Variants in RBFOX1 observed in about 807,000 individuals in gnomAD.
The protein encoded by RBFOX1 is RNA binding protein fox-1 homolog 1.
In RBFOX1, 8 loss-of-function variants were observed where a neutral mutation model predicts 57.7. The observed-to-expected ratio is 0.14, with a 90% CI of 0.08 to 0.25. RBFOX1 has a LOEUF of 0.25. Among genes scored for constraint, RBFOX1 ranks in the 10% least tolerant of loss-of-function variants. The pLI is 1.00. For missense variants in RBFOX1, 611 were observed against 548.5 expected (o/e 1.11, Z -1.14); for synonymous variants, 326 against 222.4 (o/e 1.47, Z -4.15).
In RBFOX1 at chr16:5,747,197, C is replaced by G. The variant is rs568409898; in HGVS notation, c.319-120106C>G. Among the ~76,000 whole-genome samples, 3 of 152,296 alleles carry G rather than the reference C, an allele frequency of 2.0e-5. No homozygotes were observed. The East Asian group carries it at 5.8e-4, about 29-fold the overall frequency. On this transcript the variant is annotated intron_variant, in intron 3 of 19. Coordinates refer to the RBFOX1 transcript ENST00000641259. Reference sequence around the variant, plus strand: ...ATGCTGGATTACATTTATTGATTTGCATATGTTGAACCAGCCTTGCATCCC... The same window carrying G: ...ATGCTGGATTACATTTATTGATTTGGATATGTTGAACCAGCCTTGCATCCC...
intron 1 of RBFOX1, among the ~76,000 whole-genome samples, chr16:5,275,816 A>G (rs950191108): frequency 1.3e-5 from 2 of 152,252 alleles, no homozygotes; most frequent in African/African-American, 4.8e-5. Context: ...CCAAAACAGC[A>G]TGGTGCTGGT....
At chr16:6,433,293 A>G (rs1301320506) in intron 2 of RBFOX1, among the ~76,000 whole-genome samples, 1 of 152,258 alleles carries the variant, frequency 6.6e-6, no homozygotes. Context: ...GGTTTGCTTC[A>G]TTTCAGCATT....
At chr16:5,446,187 G>A (rs1166509508) in intron 1 of RBFOX1, among the ~76,000 whole-genome samples, 1 of 152,032 alleles carries the variant, frequency 6.6e-6, no homozygotes, top group Non-Finnish European at 1.5e-5. Context: ...AGGGACAATA[G>A]GAGTCTAGAA....
intron 4 of RBFOX1, among the ~76,000 whole-genome samples, chr16:7,381,075 A>T (rs2097775049): frequency 6.6e-6 from 1 of 152,238 alleles, no homozygotes; most frequent in East Asian, 1.9e-4. Flanking sequence ...TTGTGAATAC[A>T]CTGGAGATGT....
chr16:7,577,952 T>C (rs576843321), intron 5 of RBFOX1, among the ~76,000 whole-genome samples: 5 of 152,360 alleles, frequency 3.3e-5, no homozygotes, highest in African/African-American at 1.2e-4. Context: ...TGTTTTTCTC[T>C]ATTGGTGTCA....
intron 4 of RBFOX1, among the ~76,000 whole-genome samples, chr16:5,931,627 G>A (rs1263286421): frequency 6.6e-6 from 1 of 152,182 alleles, no homozygotes; most frequent in African/African-American, 2.4e-5. Flanking sequence ...GTCCTGGTGA[G>A]AGCTTCCAGG....
intron 4 of RBFOX1, among the ~76,000 whole-genome samples, chr16:5,878,631 G>A (rs375298880): frequency 2.0e-5 from 3 of 152,064 alleles, no homozygotes; most frequent in East Asian, 1.9e-4. Flanking sequence ...CCTGATTCCC[G>A]GCACTAATGT....
At chr16:5,954,787 C>G (rs999516043) in intron 4 of RBFOX1, among the ~76,000 whole-genome samples, 1 of 152,142 alleles carries the variant, frequency 6.6e-6, no homozygotes, top group Admixed American at 6.5e-5. Context: ...TCCTTCCTCC[C>G]CTTCCTGCAG....
chr16:6,640,939 A>C (rs1329774545), intron 2 of RBFOX1, among the ~76,000 whole-genome samples: 1 of 152,056 alleles, frequency 6.6e-6, no homozygotes, highest in Non-Finnish European at 1.5e-5. Context: ...GAAAATAATG[A>C]CTGTGGCAGC....
At chr16:5,420,939 T>C (rs11862157) in intron 1 of RBFOX1, among the ~76,000 whole-genome samples, 78,361 of 111,174 alleles carry the variant, frequency 0.7, 26,981 homozygotes, top group East Asian at 0.82. Flanking sequence ...CCCCCTCCCC[T>C]TCCTCCTGCT....
At chr16:7,237,120 G>T (rs1179851928) in intron 4 of RBFOX1, among the ~76,000 whole-genome samples, 1 of 152,156 alleles carries the variant, frequency 6.6e-6, no homozygotes, top group Non-Finnish European at 1.5e-5. Flanking sequence ...CTTCCCAGGG[G>T]CTGCAATACA....
intron 4 of RBFOX1, among the ~76,000 whole-genome samples, chr16:7,504,123 G>C (rs1455093108): frequency 1.3e-5 from 2 of 152,054 alleles, no homozygotes; most frequent in Non-Finnish European, 2.9e-5. Flanking sequence ...TCAGAATTGG[G>C]TTGGTACAAA....
intron 1 of RBFOX1, among the ~76,000 whole-genome samples, chr16:6,307,395 C>A (rs947248514): frequency 1.4e-4 from 18 of 126,854 alleles, no homozygotes; most frequent in African/African-American, 8.1e-4. Flanking sequence ...ATAAAAAAAA[C>A]ATCATCATTA....
At chr16:6,155,628 A>G (rs1567576630) in intron 1 of RBFOX1, among the ~76,000 whole-genome samples, 2 of 152,168 alleles carry the variant, frequency 1.3e-5, no homozygotes, top group Non-Finnish European at 2.9e-5. Flanking sequence ...TAAGGTCTCA[A>G]AGCAAACCAT....
intron 2 of RBFOX1, among the ~76,000 whole-genome samples, chr16:6,604,800 G>A (rs1475316483): frequency 6.6e-6 from 1 of 151,878 alleles, no homozygotes; most frequent in Non-Finnish European, 1.5e-5. Flanking sequence ...CAATTAATTG[G>A]TGCTTGAGAT....
chr16:6,330,596 TAGTG>T (rs1461258803), intron 2 of RBFOX1, among the ~76,000 whole-genome samples: 1 of 152,150 alleles, frequency 6.6e-6, no homozygotes, highest in Non-Finnish European at 1.5e-5. Flanking sequence ...AACAAGTACA[TAGTG>T]AGTGCTCTTC....
At chr16:5,816,319 C>G (rs1458264655) in intron 3 of RBFOX1, among the ~76,000 whole-genome samples, 1 of 152,144 alleles carries the variant, frequency 6.6e-6, no homozygotes, top group Non-Finnish European at 1.5e-5. Context: ...CAGTACCCGT[C>G]AATTACAAAA....
At chr16:6,621,485 C>T (rs116161327) in intron 2 of RBFOX1, among the ~76,000 whole-genome samples, 2,911 of 152,074 alleles carry the variant, frequency 0.019, 61 homozygotes, top group African/African-American at 0.047. Flanking sequence ...ACAACAACAA[C>T]AACAACAAAA....
chr16:7,042,191 G>C (rs565764610), intron 3 of RBFOX1, among the ~76,000 whole-genome samples: 4 of 152,328 alleles, frequency 2.6e-5, no homozygotes, highest in East Asian at 1.9e-4. Flanking sequence ...TGCATGTCTT[G>C]TTTTAGAGAA....
Sources: allele counts gnomAD v4.1 joint callset (sites outside exome capture counted in the v4.1 genomes callset), GRCh38; gene constraint gnomAD v4.1.1; transcripts MANE v1.5; gene names NCBI Gene and HGNC (gene_info 2026-07-23, HGNC 2026-07-21).